The following TAB2 variants were observed in gnomAD, a reference collection of about 807,000 sequenced individuals.
TAB2 encodes TGF-beta-activated kinase 1 and MAP3K7-binding protein 2.
TAB2 carries 3 observed loss-of-function variants against 65.0 expected under a neutral mutation model. That is an observed-to-expected ratio of 0.05 (90% confidence interval 0.02 to 0.12). The LOEUF is 0.12. TAB2 is among the 10% of genes least tolerant of loss of function. The probability of loss-of-function intolerance (pLI) is 1.00; values close to 1 mark genes in which losing one functional copy is unlikely to be tolerated. For missense variants in TAB2, 623 were observed against 840.3 expected (o/e 0.74, Z 3.20); for synonymous variants, 298 against 285.1 (o/e 1.05, Z -0.46).
chr6:149,370,182 C>T lies in TAB2; in HGVS notation c.102+83C>T, dbSNP rs539208434. The T allele has an allele frequency of 3.3e-3, 3,918 of 1,193,808 alleles. 8 individuals are homozygous for T. The highest frequency in any genetic ancestry group is 3.7e-3 in the Non-Finnish European group (2,991 of 817,112). The allele number at this position is 1,193,808 out of a possible 1,614,324, so 74.0% of individuals were successfully genotyped here. A position where few individuals can be genotyped will look rare whatever the true frequency, so the allele number is the denominator to read the frequency against. On this transcript the variant is annotated intron_variant, in intron 2 of 6. Coordinates refer to ENST00000637181, the MANE Select transcript of TAB2 (RefSeq NM_001292034.3). ...TGGAAGAAAAACTCTTTTAGGTTAT[C>T]TTCTTGTTGGTGTTAGTGTATTATG...
At chr6:149,353,237 C>CTGCTGCTGCTGGATTGCTTT in intron 1 of TAB2, among the ~76,000 whole-genome samples, 1 of 152,194 alleles carries the variant, frequency 6.6e-6, no homozygotes. Context: ...GGTGCTGCTG[C>CTGCTGCTGCTGGATTGCTTT]TGCTGCTGCT....
At chr6:149,294,098 T>G (rs925266939) in intron 1 of TAB2, among the ~76,000 whole-genome samples, 5 of 152,190 alleles carry the variant, frequency 3.3e-5, no homozygotes, top group African/African-American at 1.2e-4. Context: ...CTTTATTTTG[T>G]TTTAGTCAGT....
chr6:149,349,756 GAGAT>G (rs1025752668), intron 1 of TAB2, among the ~76,000 whole-genome samples: 12 of 152,140 alleles, frequency 7.9e-5, no homozygotes, highest in Admixed American at 2.6e-4. Context: ...TGAGTTTGGG[GAGAT>G]AGATAACCAC....
intron 1 of TAB2, among the ~76,000 whole-genome samples, chr6:149,303,441 C>T (rs1179998823): frequency 6.6e-6 from 1 of 150,730 alleles, no homozygotes; most frequent in Non-Finnish European, 1.5e-5. Context: ...AAGCAGGATA[C>T]CCCATTATTA....
At chr6:149,381,154 G>A (rs764476308) in intron 3 of TAB2, among the ~76,000 whole-genome samples, 5 of 152,206 alleles carry the variant, frequency 3.3e-5, no homozygotes, top group Non-Finnish European at 7.3e-5. Context: ...CTAGGTATGC[G>A]TGTGCATGTA....
At chr6:149,402,553 CTCAAACAA>C (rs141744446) in intron 6 of TAB2, among the ~76,000 whole-genome samples, 19,495 of 152,016 alleles carry the variant, frequency 0.13, 1,301 homozygotes, top group African/African-American at 0.18. Context: ...CTGTCAAACA[CTCAAACAA>C]GAATTAATAC....
intron 1 of TAB2, among the ~76,000 whole-genome samples, chr6:149,288,860 T>A (rs1583066594): frequency 1.1e-5 from 1 of 94,602 alleles, no homozygotes; most frequent in African/African-American, 4.3e-5. Context: ...TTTAATTTTT[T>A]TTTTTTTTTT....
In TAB2 at chr6:149,235,752, C is replaced by T. The variant is rs116428238; in HGVS notation, c.-121+16976C>T. On this transcript the variant is annotated intron_variant, in intron 1 of 1. Coordinates refer to the TAB2 transcript ENST00000606202. ...TGCTTGTGTCACCCTGCTCAAGATTCATGTCCTAGGAGCGTGAATTTCATT... is the reference window on the plus strand; with the variant it reads ...TGCTTGTGTCACCCTGCTCAAGATTTATGTCCTAGGAGCGTGAATTTCATT... 8.2e-3 allele frequency among the ~76,000 whole-genome samples: 1,245 copies of T among 152,282 alleles called. 15 individuals carry two copies. Among genetic ancestry groups the T allele is most frequent in the African/African-American group, 0.029 (1,185 of 41,550 alleles).
At chr6:149,324,667 G>A (rs1779546653) in intron 1 of TAB2, among the ~76,000 whole-genome samples, 2 of 152,088 alleles carry the variant, frequency 1.3e-5, no homozygotes, top group African/African-American at 4.8e-5. Context: ...TAATGCAGAT[G>A]AAAACTTGAA....
At chr6:149,389,879 C>A (rs982109364) in intron 3 of TAB2, among the ~76,000 whole-genome samples, 1 of 152,026 alleles carries the variant, frequency 6.6e-6, no homozygotes, top group African/African-American at 2.4e-5. Flanking sequence ...GAGGTCTCAC[C>A]AGTTATGCTA....
upstream of TAB2, among the ~76,000 whole-genome samples, chr6:149,315,756 T>C (rs558124723): frequency 4.6e-5 from 7 of 152,338 alleles, no homozygotes; most frequent in South Asian, 2.1e-4. Context: ...TTTCCTCTAC[T>C]TGGGTTTGTC....
At chr6:149,259,334 T>TACACACACACACACAC (rs61261942) in intron 1 of TAB2, among the ~76,000 whole-genome samples, 19 of 145,928 alleles carry the variant, frequency 1.3e-4, no homozygotes, top group African/African-American at 4.1e-4. Context: ...ACGCTCCCTC[T>TACACACACACACACAC]ACACACACAC....
chr6:149,407,148 A>C (rs370237750), intron 6 of TAB2, among the ~76,000 whole-genome samples: 2 of 152,256 alleles, frequency 1.3e-5, no homozygotes, highest in East Asian at 3.8e-4. Context: ...TGACACAGTA[A>C]GCAAATGTTC....
At chr6:149,241,485 A>T (rs1452017799) in intron 1 of TAB2, among the ~76,000 whole-genome samples, 1 of 152,338 alleles carries the variant, frequency 6.6e-6, no homozygotes, top group African/African-American at 2.4e-5. Flanking sequence ...TAAATGCTTG[A>T]AAAGGTTGAA....
At chr6:149,380,177 GT>G (rs1263116285) in intron 3 of TAB2, 2 of 243,042 alleles carry the variant, frequency 8.2e-6, no homozygotes, top group East Asian at 2.5e-4. Context: ...GAGTTCAAAG[GT>G]TAGAGTGAAC....
At chr6:149,282,613 A>T (rs1778594254) in intron 1 of TAB2, among the ~76,000 whole-genome samples, 1 of 152,244 alleles carries the variant, frequency 6.6e-6, no homozygotes. Flanking sequence ...ACCATAAGGA[A>T]ATTAAATCAG....
At chr6:149,256,652 G>T (rs1310039740) in intron 1 of TAB2, among the ~76,000 whole-genome samples, 2 of 152,054 alleles carry the variant, frequency 1.3e-5, no homozygotes, top group South Asian at 4.1e-4. Flanking sequence ...GATTACGCTG[G>T]ATAAAATTTT....
intron 6 of TAB2, chr6:149,400,725 C>T (rs368075976): frequency 1.9e-6 from 3 of 1,583,826 alleles, no homozygotes; most frequent in African/African-American, 1.4e-5. Flanking sequence ...CTTTAAAGAC[C>T]AAGATTACTG....
intron 1 of TAB2, among the ~76,000 whole-genome samples, chr6:149,269,954 T>C (rs947498471): frequency 6.6e-6 from 1 of 152,176 alleles, no homozygotes; most frequent in Non-Finnish European, 1.5e-5. Context: ...CGTGGGTAAA[T>C]ACCTAGGAAA....
Sources: allele counts gnomAD v4.1 joint callset (sites outside exome capture counted in the v4.1 genomes callset), GRCh38; gene constraint gnomAD v4.1.1; transcripts MANE v1.5; gene names NCBI Gene and HGNC (gene_info 2026-07-23, HGNC 2026-07-21).